Variants in TUBGCP2 observed in about 807,000 individuals in gnomAD.
TUBGCP2 encodes gamma-tubulin complex component 2.
A neutral mutation model predicts 92.2 loss-of-function variants in TUBGCP2; 55 were observed. The observed-to-expected ratio is 0.60, with a 90% confidence interval of 0.48 to 0.75. The LOEUF is 0.75. TUBGCP2 is among the 30% of genes least tolerant of loss of function. The pLI is 0.00. For synonymous variants in TUBGCP2, 533 were observed against 505.2 expected (o/e 1.06, Z -0.74); for missense variants, 1,093 against 1,188.9 (o/e 0.92, Z 1.19).
intron 17 of TUBGCP2, 90 bp from the exon 18 acceptor site, chr10:133,279,991 G>A: frequency 6.6e-7 from 1 of 1,523,638 alleles, no homozygotes. Context: ...TGCAGCTAGG[G>A]TGCACACCCC....
intron 5 of TUBGCP2, chr10:133,295,319 C>A (rs1847463770): frequency 6.6e-6 from 1 of 152,326 alleles, no homozygotes; most frequent in Non-Finnish European, 1.5e-5. Flanking sequence ...TGATGGTGCA[C>A]ACCTGCAGTC....
chr10:133,290,326 C>G, intron 8 of TUBGCP2: 1 of 195,286 alleles, frequency 5.1e-6, no homozygotes, highest in Non-Finnish European at 1.1e-5. Flanking sequence ...AACCCCGTCT[C>G]TACTAAAATA....
chr10:133,304,238 G>T (rs1194239504), intron 1 of TUBGCP2, among the ~76,000 whole-genome samples: 1 of 152,126 alleles, frequency 6.6e-6, no homozygotes, highest in Non-Finnish European at 1.5e-5. Flanking sequence ...GGCTGAGGTG[G>T]GAGGATCGCT....
chr10:133,283,777 CTG>C (rs1847056397), intron 14 of TUBGCP2, 103 bp downstream of exon 14: 2 of 1,537,430 alleles, frequency 1.3e-6, no homozygotes, highest in African/African-American at 1.4e-5. Context: ...CCTGCCTCTC[CTG>C]CACTCCCTGC....
chr10:133,290,607 A>C (rs1331806755), intron 8 of TUBGCP2: 1 of 152,282 alleles, frequency 6.6e-6, no homozygotes, highest in Admixed American at 6.5e-5. Flanking sequence ...ATAGGTGGGA[A>C]ACTGATTTGT....
intron 7 of TUBGCP2, 24 bp from the exon 8 acceptor site, chr10:133,292,712 C>T: frequency 6.2e-7 from 1 of 1,605,148 alleles, no homozygotes; most frequent in African/African-American, 1.3e-5. Context: ...GGAGGGCTCA[C>T]TGCTGAGAAG....
chr10:133,282,479 A>G, intron 15 of TUBGCP2, 137 bp from the exon 16 acceptor site: 2 of 1,234,656 alleles, frequency 1.6e-6, no homozygotes, highest in South Asian at 3.2e-5. Flanking sequence ...AGCATCTCTG[A>G]GGCTGCAGGG....
In TUBGCP2 at chr10:133,288,996, T is replaced by A. The variant is rs774172269; in HGVS notation, c.1385A>T (p.Glu462Val). 5 of 1,611,912 alleles carry A rather than the reference T, an allele frequency of 3.1e-6. No homozygotes were observed. Among genetic ancestry groups the A allele is most frequent in the African/African-American group, 1.3e-5 (1 of 74,796 alleles). Residue 462 changes from glutamate to valine, a missense_variant, in exon 10 of 18, where the codon GAG becomes GTG. By Grantham distance (121) the Glu-to-Val change is moderately radical. Coordinates refer to ENST00000252936, the MANE Select transcript of TUBGCP2 (RefSeq NM_006659.4). ...CGGGCAGGTGACGTCATGGCCACAC[T>A]CTCTGACCACATTTAGATATTTTCC... ...STGKYLNVVR[E>V]CGHDVTCPVA...
intron 11 of TUBGCP2, 84 bp downstream of exon 11, chr10:133,288,045 G>C: frequency 6.7e-7 from 1 of 1,484,980 alleles, no homozygotes; most frequent in Non-Finnish European, 9.0e-7. Context: ...GGGAGTGGGG[G>C]ACAGGGCTGG....
rs1204073165 is a variant in TUBGCP2 at position 133,292,102 on chromosome 10, TCCGTGTCCCCCATGTCCCCCATGTCCCC to T, written c.1214+369_1214+396del. ...GTCCCTCCGTGTCCCTCCGTGTCCCTCCGTGTCCCCCATGTCCCCCATGTCCCCGTGTCCCGGGGAGCCCTACCTGTAC... is the reference window on the plus strand; with the variant it reads ...GTCCCTCCGTGTCCCTCCGTGTCCCTGTGTCCCGGGGAGCCCTACCTGTAC... On this transcript the variant is annotated intron_variant, in intron 8 of 17. Coordinates refer to ENST00000252936, the MANE Select transcript of TUBGCP2 (RefSeq NM_006659.4). Among the ~76,000 whole-genome samples the T allele has an allele frequency of 2.2e-3, 16 of 7,294 alleles. 6 individuals are homozygous for T. The highest frequency in any genetic ancestry group is 9.1e-3 in the African/African-American group (11 of 1,210). The allele number at this position is 7,294 out of a possible 152,430, so 4.8% of individuals were successfully genotyped here.
At position 133,282,242 on chromosome 10, in the gene TUBGCP2, C is replaced by T. The variant is rs146959915; in HGVS notation, c.2390G>A (p.Arg797Gln). Residue 797 changes from arginine (R) to glutamine (Q), a missense_variant, in exon 16 of 18, where the codon CGG becomes CAG. By Grantham distance (43) the Arg-to-Gln change is conservative. Around this residue, in one of 3 missense-constraint regions of TUBGCP2, gnomAD observed 598 missense variants for 675.5 expected, o/e 0.89. Transcript: ENST00000252936. Reference sequence around the variant, plus strand: ...ACGCACCTTCCTGGCGAGCTCCTTCCGGGCCCGCTCCTCGGCCCCTGCGGG... The same window carrying T: ...ACGCACCTTCCTGGCGAGCTCCTTCTGGGCCCGCTCCTCGGCCCCTGCGGG... ...GLPAGAEERA[R>Q]KELARKHLAE... The T allele has an allele frequency of 5.3e-4, 854 of 1,611,822 alleles. No homozygotes were observed. The highest frequency in any genetic ancestry group is 6.7e-4 in the Non-Finnish European group (785 of 1,179,516).
intron 1 of TUBGCP2, among the ~76,000 whole-genome samples, chr10:133,306,669 T>C (rs1043425624): frequency 3.3e-5 from 5 of 152,018 alleles, no homozygotes; most frequent in Non-Finnish European, 7.4e-5. Flanking sequence ...GCGCTTGTAG[T>C]CGCAGATACT....
intron 2 of TUBGCP2, 190 bp from the exon 3 acceptor site, chr10:133,300,303 C>A (rs1232204392): frequency 1.5e-6 from 1 of 689,040 alleles, no homozygotes; most frequent in Non-Finnish European, 2.3e-6. Flanking sequence ...TTGAGCTAGG[C>A]AGTGGCTCAT....
In TUBGCP2 at chr10:133,285,342, G is replaced by T; in HGVS notation, c.1895+114C>A. 1 of 1,586,784 alleles carries T rather than the reference G, an allele frequency of 6.3e-7. No individual in the cohort carries two copies. ...GTGAATCTCTCGGACACTGAAGGCC[G>T]GGGAGAGCCGCCTTGGGTCCTCTGT... is the stretch of plus-strand genomic sequence containing the variant. On this transcript the variant is annotated intron_variant, in intron 12 of 17. Coordinates refer to ENST00000252936, the MANE Select transcript of TUBGCP2 (RefSeq NM_006659.4). The surrounding 1 kb of genome is among the most constrained non-coding windows in gnomAD (Gnocchi z 6.8).
rs1269351541 is a variant in TUBGCP2, at chr10:133,300,060, A to C, written c.204T>G (p.Asp68Glu). 2.5e-6 allele frequency: 4 copies of C among 1,614,050 alleles called. No individual in the cohort carries two copies. Among genetic ancestry groups the C allele is most frequent in the Non-Finnish European group, 3.4e-6 (4 of 1,180,022 alleles). ...RTPEDFLKKYDELKSKNTRNL... is the reference protein window; with the variant it reads ...RTPEDFLKKYEELKSKNTRNL... ...TCCTTGTATTTTTAGATTTCAGTTC[A>C]TCATATTTCTTTAGAAAGTCTTCTG... Residue 68 changes from aspartate (D) to glutamate (E), a missense_variant, in exon 3 of 18, where the codon GAT becomes GAG. Coordinates refer to ENST00000252936, the MANE Select transcript of TUBGCP2 (RefSeq NM_006659.4).
At chr10:133,302,209 C>T (rs770948904) in intron 2 of TUBGCP2, 9 of 164,038 alleles carry the variant, frequency 5.5e-5, no homozygotes, top group Non-Finnish European at 1.1e-4. Context: ...AACACACACA[C>T]AGACCAAGTG....
Position 133,288,821 on chromosome 10 carries a change from G to C in TUBGCP2, c.1541+19C>G. 6.3e-7 allele frequency: 1 copy of C among 1,589,096 alleles called. No individual in the cohort carries two copies. Among genetic ancestry groups the C allele is most frequent in the Non-Finnish European group, 8.6e-7 (1 of 1,164,752 alleles). On this transcript the variant is annotated intron_variant, in intron 10 of 17. Coordinates refer to ENST00000252936, the MANE Select transcript of TUBGCP2 (RefSeq NM_006659.4). ...CAGAGGGAGGTGAGTGCCCGCACAG[G>C]GACAGGGCACGGAATCACCTGAGGT...
chr10:133,288,211 G>A lies in TUBGCP2; in HGVS notation c.1640C>T (p.Thr547Met), dbSNP rs753532391. 1.1e-5 allele frequency: 18 copies of A among 1,613,790 alleles called. No individual in the cohort carries two copies. Among genetic ancestry groups the A allele is most frequent in the Admixed American group, 6.7e-5 (4 of 60,012 alleles). Reference sequence around the variant, plus strand: ...CAGGAGCGCTTCCAGGCGAGGGGGCGTGATGTCCTCCACCGGCTTCCGGAG... The same window carrying A: ...CAGGAGCGCTTCCAGGCGAGGGGGCATGATGTCCTCCACCGGCTTCCGGAG... ...EELRKPVEDI[T>M]PPRLEALLEL... Residue 547 changes from threonine (T) to methionine (M), a missense_variant, in exon 11 of 18, where the codon ACG becomes ATG. Around this residue, in one of 3 missense-constraint regions of TUBGCP2, gnomAD observed 598 missense variants for 675.5 expected, o/e 0.89. Transcript: ENST00000252936.
chr10:133,279,939 T>C (rs768812151), intron 17 of TUBGCP2, 38 bp from the exon 18 acceptor site: 2 of 1,596,756 alleles, frequency 1.3e-6, no homozygotes, highest in Admixed American at 3.5e-5. Context: ...TGCACACCCC[T>C]TCTGCGGGTG....
Sources: allele counts gnomAD v4.1 joint callset (sites outside exome capture counted in the v4.1 genomes callset), GRCh38; gene constraint gnomAD v4.1.1; regional missense constraint gnomAD v4.1.1; non-coding constraint Gnocchi (gnomAD v3.1); transcripts MANE v1.5; gene names NCBI Gene and HGNC (gene_info 2026-07-23, HGNC 2026-07-21).